DYSF: variants seen among roughly 807,000 people sequenced by gnomAD.
DYSF encodes dystrophy-associated fer-1-like 1.
A neutral mutation model predicts 274.9 loss-of-function variants in DYSF; 212 were observed. The observed-to-expected ratio is 0.77, with a 90% CI of 0.69 to 0.86. The LOEUF is 0.86. Among genes scored for constraint, DYSF ranks in the 40% least tolerant of loss-of-function variants. DYSF has a pLI of 0.00. For missense variants in DYSF, 2,666 were observed against 2,783.2 expected (o/e 0.96, Z 0.95); for synonymous variants, 1,091 against 1,078.7 (o/e 1.01, Z -0.22).
At chr2:71,593,136 T>C (rs1175903057) in intron 32 of DYSF, among the ~76,000 whole-genome samples, 4 of 147,518 alleles carry the variant, frequency 2.7e-5, no homozygotes, top group Admixed American at 2.0e-4. Flanking sequence ...TTTTTTTTTT[T>C]TTTTTTTTTT....
At chr2:71,516,333 C>A (rs952385192) in intron 9 of DYSF, 91 bp downstream of exon 9, 3 of 1,283,990 alleles carry the variant, frequency 2.3e-6, no homozygotes, top group African/African-American at 2.9e-5. Flanking sequence ...CACGTGTGTG[C>A]ATGTGCACGT....
chr2:71,665,362 C>A, intron 47 of DYSF, 58 bp downstream of exon 47: 1 of 1,609,860 alleles, frequency 6.2e-7, no homozygotes, highest in Non-Finnish European at 8.5e-7. Flanking sequence ...CTCCCTCTCT[C>A]ATCAGACCCT....
chr2:71,459,425 C>T (rs1326807324), intron 1 of DYSF, among the ~76,000 whole-genome samples: 1 of 152,112 alleles, frequency 6.6e-6, no homozygotes, highest in Non-Finnish European at 1.5e-5. Context: ...CATGCACTTC[C>T]AGAAACGTGG....
intron 17 of DYSF, 100 bp downstream of exon 17, chr2:71,539,339 G>C: frequency 9.0e-7 from 1 of 1,111,804 alleles, no homozygotes; most frequent in Non-Finnish European, 1.4e-6. Flanking sequence ...GCAGAAAAGG[G>C]GAGATTATAA....
chr2:71,589,788 G>A (rs2093198552), intron 31 of DYSF, 102 bp downstream of exon 31: 1 of 1,189,770 alleles, frequency 8.4e-7, no homozygotes. Context: ...GGGGCTCTGG[G>A]GAGCTGAGTC....
At chr2:71,506,067 G>A (rs2085442069) in intron 4 of DYSF, among the ~76,000 whole-genome samples, 1 of 152,236 alleles carries the variant, frequency 6.6e-6, no homozygotes, top group African/African-American at 2.4e-5. Context: ...AGGTTAGTGA[G>A]GGCCACGCAC....
At chr2:71,521,014 T>G in intron 12 of DYSF, 110 bp downstream of exon 12, 7 of 838,902 alleles carry the variant, frequency 8.3e-6, no homozygotes, top group Non-Finnish European at 1.4e-5. Flanking sequence ...TAAACTAATA[T>G]GTGGTAATTA....
chr2:71,549,555 C>T (rs2090772871), intron 17 of DYSF, among the ~76,000 whole-genome samples: 1 of 151,942 alleles, frequency 6.6e-6, no homozygotes, highest in Admixed American at 6.6e-5. Flanking sequence ...CACCTCTCGG[C>T]CTCTGTGGAG....
At chr2:71,472,613 A>G (rs554502833) in intron 1 of DYSF, among the ~76,000 whole-genome samples, 174 of 152,224 alleles carry the variant, frequency 1.1e-3, no homozygotes, top group Middle Eastern at 3.4e-3. Flanking sequence ...TCACCATGTT[A>G]GCCAGGATGG....
chr2:71,665,395 C>T (rs866648464), intron 47 of DYSF, 91 bp downstream of exon 47: 29 of 1,548,220 alleles, frequency 1.9e-5, no homozygotes, highest in African/African-American at 5.4e-5. Flanking sequence ...AAGACCCAAG[C>T]GGACATAACC....
chr2:71,524,230 C>T (rs1185376764), intron 12 of DYSF, among the ~76,000 whole-genome samples: 3 of 152,196 alleles, frequency 2.0e-5, no homozygotes, highest in Non-Finnish European at 4.4e-5. Context: ...GGGCCACCAC[C>T]CAGCCCTTTG....
chr2:71,562,598 T>C (rs1225042364), intron 23 of DYSF, among the ~76,000 whole-genome samples: 1 of 152,040 alleles, frequency 6.6e-6, no homozygotes, highest in African/African-American at 2.4e-5. Context: ...TGCTCATAAG[T>C]GTTGGGCAGA....
chr2:71,582,518 G>A (rs2092929906), intron 30 of DYSF, among the ~76,000 whole-genome samples: 1 of 152,190 alleles, frequency 6.6e-6, no homozygotes, highest in Admixed American at 6.5e-5. Context: ...GGGTTGTGCA[G>A]GGTTTGTAGT....
rs576654439 is a variant in DYSF at position 71,526,471 on chromosome 2, A to C, written c.1276+125A>C. On this transcript the variant is annotated intron_variant, in intron 13 of 55. Transcript: ENST00000410020. ...AGGAGAGGCGTCTAGGAAAACAATC[A>C]GAATTTAACGAAAAGTAATCAGTGC... 1.6e-4 allele frequency: 228 copies of C among 1,382,494 alleles called. No homozygotes were observed. In the African/African-American group the frequency reaches 3.0e-3, roughly 18 times the overall value. 85.6% of individuals were successfully genotyped at this position (1,382,494 alleles called of 1,614,324 possible). A position where few individuals can be genotyped will look rare whatever the true frequency, so the allele number is the denominator to read the frequency against.
At position 71,681,166 on chromosome 2, in the gene DYSF, G is replaced by A. The variant is rs959676633; in HGVS notation, c.6173+56G>A. The A allele has an allele frequency of 5.9e-6, 9 of 1,526,586 alleles. No individual in the cohort carries two copies. In the African/African-American group the frequency reaches 1.2e-4, roughly 21 times the overall value. The allele number at this position is 1,526,586 out of a possible 1,614,324, so 94.6% of individuals were successfully genotyped here. The stretch of plus-strand genomic sequence containing the variant: ...CACAGGTCTGGGGGTATAGGCCACA[G>A]TCCAGGAGGCATCCCATTGCATGGC... On this transcript the variant is annotated intron_variant, in intron 54 of 55. Coordinates refer to ENST00000410020, the MANE Select transcript of DYSF (RefSeq NM_001130987.2).
chr2:71,561,966 TTTC>T (rs754860960), intron 23 of DYSF, 22 bp downstream of exon 23: 39 of 1,608,768 alleles, frequency 2.4e-5, no homozygotes, highest in South Asian at 1.9e-4. Flanking sequence ...TGGGGGTGCC[TTTC>T]TTCTTCTGCT....
intron 41 of DYSF, among the ~76,000 whole-genome samples, chr2:71,622,126 C>CTTTT (rs1558651607): frequency 7.7e-5 from 3 of 38,736 alleles, no homozygotes; most frequent in African/African-American, 1.2e-4. Context: ...CAGATGATTT[C>CTTTT]TTTGTTTTTT....
chr2:71,539,757 A>G (rs896874248), intron 17 of DYSF, among the ~76,000 whole-genome samples: 1 of 152,234 alleles, frequency 6.6e-6, no homozygotes, highest in African/African-American at 2.4e-5. Context: ...CTGTACATGC[A>G]TGGAAGATGT....
At chr2:71,474,298 AC>A (rs1451347845) in intron 1 of DYSF, among the ~76,000 whole-genome samples, 2 of 152,166 alleles carry the variant, frequency 1.3e-5, no homozygotes, top group Non-Finnish European at 2.9e-5. Flanking sequence ...TGGCTGAGTC[AC>A]TCAGTCTAGA....
Sources: gnomAD v4.1 joint callset for allele counts (sites outside exome capture counted in the v4.1 genomes callset) on GRCh38, gnomAD v4.1.1 for gene constraint, MANE v1.5 for transcripts, NCBI Gene and HGNC (gene_info 2026-07-23, HGNC 2026-07-21) for gene names.